Variants in PXDNL observed in about 807,000 individuals in gnomAD.
PXDNL encodes peroxidasin like, also known as probable oxidoreductase PXDNL.
A neutral mutation model predicts 150.8 loss-of-function variants in PXDNL; 145 were observed. That is an observed-to-expected ratio of 0.96 (90% CI 0.84 to 1.10). The LOEUF is 1.10. Among genes scored for constraint, PXDNL ranks in the 50% least tolerant of loss-of-function variants. PXDNL has a pLI of 0.00. For missense variants in PXDNL, 2,087 were observed against 1,873.9 expected (o/e 1.11, Z -2.10); for synonymous variants, 757 against 725.7 (o/e 1.04, Z -0.69).
At chr8:51,549,319 G>T (rs1403054749) in intron 4 of PXDNL, among the ~76,000 whole-genome samples, 9 of 151,830 alleles carry the variant, frequency 5.9e-5, no homozygotes, top group Non-Finnish European at 1.3e-4. Flanking sequence ...TATACCCTAG[G>T]AAAAATGGAC....
At chr8:51,388,340 A>T (rs1254816346) in intron 17 of PXDNL, among the ~76,000 whole-genome samples, 1 of 152,128 alleles carries the variant, frequency 6.6e-6, no homozygotes, top group African/African-American at 2.4e-5. Flanking sequence ...TCAGTTTGGG[A>T]ATATATTAAT....
intron 4 of PXDNL, among the ~76,000 whole-genome samples, chr8:51,526,632 A>T (rs2130408823): frequency 6.6e-6 from 1 of 152,320 alleles, no homozygotes; most frequent in South Asian, 2.1e-4. Context: ...GAAGCTCTGC[A>T]TTCCCAGGCA....
chr8:51,724,032 G>A (rs1321433771), intron 1 of PXDNL, among the ~76,000 whole-genome samples: 5 of 151,308 alleles, frequency 3.3e-5, no homozygotes, highest in African/African-American at 7.3e-5. Context: ...AGGAAAGAGG[G>A]AGGCATGGAG....
intron 1 of PXDNL, among the ~76,000 whole-genome samples, chr8:51,742,574 GTTT>G (rs201820846): frequency 6.6e-6 from 1 of 151,706 alleles, no homozygotes; most frequent in Non-Finnish European, 1.5e-5. Context: ...ATCTCAAGCA[GTTT>G]TTTAAATTTA....
At position 51,805,476 on chromosome 8, in the gene PXDNL, A is replaced by T. The variant is rs982024083; in HGVS notation, c.164+3705T>A. On this transcript the variant is annotated intron_variant, in intron 1 of 22. Transcript: ENST00000356297. ...ATGATATATATATTATATATATATAAAATGAATGGAAATTGGAAGAGCTGA... is the reference window on the plus strand; with the variant it reads ...ATGATATATATATTATATATATATATAATGAATGGAAATTGGAAGAGCTGA... 1.2e-3 allele frequency among the ~76,000 whole-genome samples: 177 copies of T among 148,898 alleles called. 1 individual carries two copies. Among genetic ancestry groups the T allele is most frequent in the African/African-American group, 4.0e-3 (166 of 41,080 alleles).
intron 5 of PXDNL, among the ~76,000 whole-genome samples, chr8:51,496,486 A>G (rs1346387963): frequency 6.6e-6 from 1 of 152,206 alleles, no homozygotes; most frequent in East Asian, 1.9e-4. Context: ...GAGGAAGTCA[A>G]ATTGTCCCTG....
intron 1 of PXDNL, among the ~76,000 whole-genome samples, chr8:51,686,596 C>T (rs1405618654): frequency 2.0e-5 from 3 of 152,152 alleles, no homozygotes; most frequent in South Asian, 2.1e-4. Context: ...AATCGTGTTG[C>T]TTTATATGCA....
intron 1 of PXDNL, among the ~76,000 whole-genome samples, chr8:51,670,378 A>C (rs1255443359): frequency 1.3e-5 from 2 of 152,228 alleles, no homozygotes; most frequent in African/African-American, 4.8e-5. Context: ...AAGATCATAG[A>C]GTGCATTTAC....
chr8:51,624,400 G>GT (rs1814323324), intron 2 of PXDNL, among the ~76,000 whole-genome samples: 1 of 151,996 alleles, frequency 6.6e-6, no homozygotes. Context: ...TACCAAAATT[G>GT]TTTTGGTACT....
intron 6 of PXDNL, among the ~76,000 whole-genome samples, chr8:51,476,550 C>A (rs1810480145): frequency 6.6e-6 from 1 of 152,130 alleles, no homozygotes; most frequent in South Asian, 2.1e-4. Context: ...TACTATACTT[C>A]ACTAATTTTT....
chr8:51,410,784 C>G (rs958565494), intron 16 of PXDNL, among the ~76,000 whole-genome samples: 1 of 151,668 alleles, frequency 6.6e-6, no homozygotes, highest in African/African-American at 2.4e-5. Context: ...CTTGGATATA[C>G]CAAAAAACAA....
intron 17 of PXDNL, 143 bp from the exon 18 acceptor site, chr8:51,374,874 G>A (rs1206506989): frequency 3.9e-6 from 4 of 1,035,786 alleles, no homozygotes; most frequent in South Asian, 1.7e-5. Context: ...CATTTCATGG[G>A]GGAAAGCACT....
chr8:51,624,118 A>AAG (rs1814315006), intron 2 of PXDNL, among the ~76,000 whole-genome samples: 1 of 151,180 alleles, frequency 6.6e-6, no homozygotes, highest in Non-Finnish European at 1.5e-5. Flanking sequence ...AAAAAAAAAA[A>AAG]AAAAATCCAC....
chr8:51,591,981 G>A (rs1036680653), intron 3 of PXDNL, among the ~76,000 whole-genome samples: 6 of 152,182 alleles, frequency 3.9e-5, no homozygotes, highest in African/African-American at 1.4e-4. Flanking sequence ...TGAGATAAAA[G>A]CCCTTGTAGT....
intron 4 of PXDNL, among the ~76,000 whole-genome samples, chr8:51,545,135 A>G (rs2130498091): frequency 6.6e-6 from 1 of 152,322 alleles, no homozygotes; most frequent in East Asian, 1.9e-4. Context: ...AAATACTAAG[A>G]TTACTCAATA....
In PXDNL at chr8:51,809,292, C is replaced by T. The variant is rs760365141; in HGVS notation, c.53G>A (p.Cys18Tyr). 1.3e-6 allele frequency: 2 copies of T among 1,586,832 alleles called. No individual in the cohort carries two copies. The highest frequency in any genetic ancestry group is 1.8e-5 in the Admixed American group (1 of 54,538). The change falls in exon 1 of 23, where the codon TGC becomes TAC. Residue 18 changes from cysteine to tyrosine, a missense_variant. Physicochemically the swap from Cys to Tyr is radical, Grantham distance 194. Transcript: ENST00000356297. ...WTTLFLLAGW[C>Y]LPGLPCPSRC... ...GCTGGGGCAGGGCAACCCTGGCAGG[C>T]ACCACCCGGCCAGGAGAAAGAGAGT... is the stretch of plus-strand genomic sequence containing the variant.
At chr8:51,656,269 C>G (rs542876059) in intron 1 of PXDNL, among the ~76,000 whole-genome samples, 1 of 152,242 alleles carries the variant, frequency 6.6e-6, no homozygotes, top group African/African-American at 2.4e-5. Flanking sequence ...TCATCTTTCT[C>G]TAGACTTTGC....
intron 1 of PXDNL, among the ~76,000 whole-genome samples, chr8:51,666,789 C>T (rs1815396520): frequency 6.6e-6 from 1 of 152,188 alleles, no homozygotes; most frequent in Non-Finnish European, 1.5e-5. Flanking sequence ...CTCCTGCACT[C>T]TATATGCCCC....
chr8:51,693,254 A>G (rs1816037835), intron 1 of PXDNL, among the ~76,000 whole-genome samples: 1 of 152,244 alleles, frequency 6.6e-6, no homozygotes. Context: ...TTTGTTCAAA[A>G]CACAAAGCAA....
Sources: gnomAD v4.1 joint callset for allele counts (sites outside exome capture counted in the v4.1 genomes callset) on GRCh38, gnomAD v4.1.1 for gene constraint, MANE v1.5 for transcripts, NCBI Gene and HGNC (gene_info 2026-07-23, HGNC 2026-07-21) for gene names.